Variants in KIF21B observed in about 807,000 individuals in gnomAD.
KIF21B encodes kinesin-like protein KIF21B.
A neutral mutation model predicts 192.9 loss-of-function variants in KIF21B; 85 were observed. The observed-to-expected ratio is 0.44, with a 90% CI of 0.37 to 0.53. The LOEUF (loss-of-function observed/expected upper bound fraction) is 0.53, where lower values mean the gene tolerates loss of function less well. Among genes scored for constraint, KIF21B ranks in the 20% least tolerant of loss-of-function variants. The pLI, the probability that KIF21B is intolerant of heterozygous loss-of-function variation, is 0.00. For synonymous variants in KIF21B, 832 were observed against 884.6 expected (o/e 0.94, Z 1.05); for missense variants, 1,716 against 2,194.8 (o/e 0.78, Z 4.36).
chr1:200,985,194 A>T (rs1331066507), intron 26 of KIF21B, among the ~76,000 whole-genome samples: 1 of 152,168 alleles, frequency 6.6e-6, no homozygotes, highest in Non-Finnish European at 1.5e-5. Context: ...CTATTTATTA[A>T]AATGTATTTG....
chr1:201,001,005 G>A (rs1437711354), intron 9 of KIF21B, among the ~76,000 whole-genome samples: 2 of 151,918 alleles, frequency 1.3e-5, no homozygotes, highest in South Asian at 2.1e-4. Context: ...TACTCGGGAC[G>A]CTGAGGCAGG....
In KIF21B at chr1:200,990,876, C is replaced by G. The variant is rs758488977; in HGVS notation, c.2687+41G>C. On this transcript the variant is annotated intron_variant, in intron 18 of 34. Coordinates refer to ENST00000461742, the MANE Select transcript of KIF21B (RefSeq NM_001252102.2). This position sits in a 1 kb window ranked among gnomAD's most constrained non-coding sequence, Gnocchi z 5.4. ...CTGGCCCTGCCCCATATTCCCACCC[C>G]CTCTGCCTGCACAGGCCAGGGGACT... is the stretch of plus-strand genomic sequence containing the variant. 3.4e-5 allele frequency: 54 copies of G among 1,611,086 alleles called. No individual in the cohort carries two copies. Among genetic ancestry groups the G allele is most frequent in the Non-Finnish European group, 4.5e-5 (53 of 1,177,640 alleles).
chr1:200,995,112 G>A (rs1351309256), intron 15 of KIF21B, among the ~76,000 whole-genome samples: 1 of 152,232 alleles, frequency 6.6e-6, no homozygotes, highest in African/African-American at 2.4e-5. Context: ...CTCAATGACA[G>A]CTATGGGTCC....
intron 5 of KIF21B, 42 bp downstream of exon 5, chr1:201,005,266 C>G: frequency 6.5e-7 from 1 of 1,534,140 alleles, no homozygotes; most frequent in Non-Finnish European, 8.8e-7. Flanking sequence ...CCGGGATACC[C>G]CTGCAGCAAG....
intron 8 of KIF21B, 52 bp downstream of exon 8, chr1:201,003,534 T>C (rs763352295): frequency 1.3e-6 from 2 of 1,585,264 alleles, no homozygotes; most frequent in Non-Finnish European, 1.7e-6. Context: ...AGGGTGCATA[T>C]GGAGCACTAG....
Position 201,000,049 on chromosome 1 carries a change from G to A in KIF21B, c.1686-85C>T. 2 of 1,260,080 alleles carry A rather than the reference G, an allele frequency of 1.6e-6. No homozygotes were observed. Among genetic ancestry groups the A allele is most frequent in the Admixed American group, 3.4e-5 (2 of 58,836 alleles). The allele number at this position is 1,260,080 out of a possible 1,614,324, so 78.1% of individuals were successfully genotyped here. A position where few individuals can be genotyped will look rare whatever the true frequency, so the allele number is the denominator to read the frequency against. The stretch of plus-strand genomic sequence containing the variant: ...GCAGGACGGCGGCAGCGGCAGAAAA[G>A]GAAGGCTCTCACCAGAGGCCGGGGA... On this transcript the variant is annotated intron_variant, in intron 11 of 34. Transcript: ENST00000461742. This position sits in a 1 kb window ranked among gnomAD's most constrained non-coding sequence, Gnocchi z 6.0.
At chr1:200,984,726 C>CA in intron 27 of KIF21B, 133 bp downstream of exon 27, 1 of 576,296 alleles carries the variant, frequency 1.7e-6, no homozygotes, top group Non-Finnish European at 3.0e-6. Flanking sequence ...ATCAGGGCCT[C>CA]AGCTCTTGGA....
chr1:200,988,246 G>A (rs1294610480), intron 24 of KIF21B, 50 bp downstream of exon 24: 2 of 1,532,476 alleles, frequency 1.3e-6, no homozygotes, highest in East Asian at 4.5e-5. Context: ...AACAGGCTGT[G>A]TGGAGGCTGG....
Position 201,004,421 on chromosome 1 carries a change from T to TCC in KIF21B, c.933_934dup (p.Asp312GlyfsTer33). 1 of 1,580,572 alleles carries TCC rather than the reference T, an allele frequency of 6.3e-7. No individual in the cohort carries two copies. On this transcript the variant is annotated frameshift_variant, in exon 7 of 35. Coordinates refer to ENST00000461742, the MANE Select transcript of KIF21B (RefSeq NM_001252102.2). LOFTEE classifies it high-confidence loss of function. ...AACGTGCACCACCTTCTTGCTCTGG[T>TCC]CCCCTAAGGCGCTGATCACATTGCC...
chr1:200,991,023 A>G lies in KIF21B; in HGVS notation c.2581T>C (p.Ser861Pro). 2 of 1,614,152 alleles carry G rather than the reference A, an allele frequency of 1.2e-6. No homozygotes were observed. Among genetic ancestry groups the G allele is most frequent in the African/African-American group, 2.7e-5 (2 of 75,056 alleles). The change falls in exon 18 of 35, where the codon TCA becomes CCA. Residue 861 changes from serine to proline, a missense_variant. Ser to Pro is a moderately conservative substitution (Grantham distance 74, BLOSUM62 -1). Coordinates refer to ENST00000461742, the MANE Select transcript of KIF21B (RefSeq NM_001252102.2). ...SASTTSSEAE[S>P]GARSVSSIVR... ...ATGCTGGAGACAGAGCGGGCCCCTG[A>G]TTCAGCCTCAGATGAGGTAGTGCTG...
In KIF21B at chr1:201,009,498, A is replaced by T. The variant is rs1326676561; in HGVS notation, c.42-10T>A. The T allele has an allele frequency of 6.2e-7, 1 of 1,612,416 alleles. No homozygotes were observed. Among genetic ancestry groups the T allele is most frequent in the Non-Finnish European group, 8.5e-7 (1 of 1,179,182 alleles). ...CAGCTGGGGCCGGATCCTGCCCATG[A>T]TGGAGAGAGCCCTGGGTCAGGCCCA... On this transcript the variant is annotated splice_polypyrimidine_tract_variant and intron_variant, in intron 1 of 34. Coordinates refer to ENST00000461742, the MANE Select transcript of KIF21B (RefSeq NM_001252102.2).
chr1:200,988,009 AG>A (rs1484076562), intron 24 of KIF21B, among the ~76,000 whole-genome samples: 1 of 152,194 alleles, frequency 6.6e-6, no homozygotes, highest in Non-Finnish European at 1.5e-5. Context: ...TATTTTTGAA[AG>A]CAGGGCCCCT....
chr1:200,973,834 C>T, intron 34 of KIF21B: 1 of 1,435,890 alleles, frequency 7.0e-7, no homozygotes, highest in Non-Finnish European at 9.1e-7. Context: ...TTCGTTTTGT[C>T]CAGGCCTGAA....
chr1:201,002,132 C>T (rs750892382), intron 9 of KIF21B, 29 bp downstream of exon 9: 1 of 1,608,336 alleles, frequency 6.2e-7, no homozygotes, highest in Non-Finnish European at 8.5e-7. Flanking sequence ...CGTTGGTGCT[C>T]TGACCTGGCC....
chr1:200,981,511 C>G (rs796677700), intron 28 of KIF21B, among the ~76,000 whole-genome samples: 2 of 152,330 alleles, frequency 1.3e-5, no homozygotes, highest in African/African-American at 4.8e-5. Flanking sequence ...CCACCAGAAG[C>G]TGCATGCTGC....
intron 15 of KIF21B, among the ~76,000 whole-genome samples, chr1:200,994,985 C>G (rs969243780): frequency 7.9e-5 from 12 of 152,322 alleles, no homozygotes; most frequent in African/African-American, 2.9e-4. Context: ...CCAGCCCAGG[C>G]CAAGCAGGTC....
chr1:200,980,661 T>C (rs144974473), intron 29 of KIF21B, among the ~76,000 whole-genome samples: 1 of 152,304 alleles, frequency 6.6e-6, no homozygotes, highest in Non-Finnish European at 1.5e-5. Context: ...GCTGGGGTGA[T>C]GTTGGGCAGT....
In KIF21B at chr1:201,023,524, T is replaced by C. The variant is rs1360446574; in HGVS notation, c.-141A>G. ...GCGGCGGCGGCGGCTGGAGGTGACATGCTCGCGGGCGGCAGGCCGAGGGGC... is the reference window on the plus strand; with the variant it reads ...GCGGCGGCGGCGGCTGGAGGTGACACGCTCGCGGGCGGCAGGCCGAGGGGC... On this transcript the variant is annotated 5_prime_UTR_variant, in exon 1 of 35. An upstream start codon of the reference 5' UTR is lost. Coordinates refer to ENST00000461742, the MANE Select transcript of KIF21B (RefSeq NM_001252102.2). The surrounding 1 kb of genome is among the most constrained non-coding windows in gnomAD (Gnocchi z 5.9). 2.6e-6 allele frequency: 1 copy of C among 382,506 alleles called. No homozygotes were observed. Among genetic ancestry groups the C allele is most frequent in the Non-Finnish European group, 4.0e-6 (1 of 251,470 alleles). The allele number at this position is 382,506 out of a possible 1,614,324, so 23.7% of individuals were successfully genotyped here. A position where few individuals can be genotyped will look rare whatever the true frequency, so the allele number is the denominator to read the frequency against.
At position 201,003,760 on chromosome 1, in the gene KIF21B, A is replaced by G. The variant is rs769330319; in HGVS notation, c.1038T>C (p.Cys346=). The change falls in exon 8 of 35, where the codon TGT becomes TGC. Residue 346 remains cysteine (C), a synonymous_variant. Transcript: ENST00000461742. ...GGNSQTIMIA[C]VSPSDRDFME... ...TGAAATCTCGGTCTGAGGGGCTCAC[A>G]CAGGCGATCATGATGGTCTGGCTGG... 2 of 1,614,176 alleles carry G rather than the reference A, an allele frequency of 1.2e-6. No homozygotes were observed. The highest frequency in any genetic ancestry group is 3.3e-5 in the Admixed American group (2 of 60,026).
Sources: allele counts gnomAD v4.1 joint callset (sites outside exome capture counted in the v4.1 genomes callset), GRCh38; gene constraint gnomAD v4.1.1; non-coding constraint Gnocchi (gnomAD v3.1); transcripts MANE v1.5; gene names NCBI Gene and HGNC (gene_info 2026-07-23, HGNC 2026-07-21).